The following AKAP19 variants were observed in gnomAD, a reference collection of about 807,000 sequenced individuals.
AKAP19 encodes small A-kinase anchoring protein.
the AKAP19 span, among the ~76,000 whole-genome samples, chr2:190,114,986 A>G: frequency 6.6e-6 from 1 of 151,566 alleles, no homozygotes; most frequent in East Asian, 1.9e-4. Context: ...CAAAATGCTC[A>G]TGTTCCTTAG....
chr2:189,953,566 G>A, the AKAP19 span, among the ~76,000 whole-genome samples: 2 of 150,352 alleles, frequency 1.3e-5, no homozygotes, highest in South Asian at 2.1e-4. Context: ...CCTTGGAGGC[G>A]GAAGTTGCAG....
chr2:189,944,302 T>C, the AKAP19 span, among the ~76,000 whole-genome samples: 3 of 152,122 alleles, frequency 2.0e-5, no homozygotes, highest in Non-Finnish European at 4.4e-5. Flanking sequence ...TTTAAAAGTG[T>C]TCCTGCTCCT....
At chr2:190,087,631 C>T in the AKAP19 span, among the ~76,000 whole-genome samples, 1 of 152,204 alleles carries the variant, frequency 6.6e-6, no homozygotes, top group East Asian at 1.9e-4. Flanking sequence ...GACTCCTTGG[C>T]CAAAGTGCCA....
the AKAP19 span, among the ~76,000 whole-genome samples, chr2:190,198,101 T>C: frequency 3.2e-4 from 48 of 152,244 alleles, no homozygotes; most frequent in African/African-American, 1.0e-3. Context: ...TTAACATCTC[T>C]GAAGTATGCA....
the AKAP19 span, among the ~76,000 whole-genome samples, chr2:190,097,266 G>C: frequency 0.083 from 12,603 of 151,356 alleles, 1,041 homozygotes; most frequent in African/African-American, 0.21. Context: ...GTTGTTTCCC[G>C]CCATGTGTCT....
the AKAP19 span, among the ~76,000 whole-genome samples, chr2:189,999,945 G>A: frequency 3.3e-5 from 5 of 152,152 alleles, no homozygotes; most frequent in South Asian, 2.1e-4. Flanking sequence ...TGCATGCAAC[G>A]GAAGTTGCTA....
chr2:190,094,817 C>A, the AKAP19 span, among the ~76,000 whole-genome samples: 1 of 152,138 alleles, frequency 6.6e-6, no homozygotes, highest in Non-Finnish European at 1.5e-5. Flanking sequence ...TGGGGCCAGG[C>A]ATTTTATAGA....
At chr2:189,970,149 G>A in the AKAP19 span, among the ~76,000 whole-genome samples, 2 of 152,022 alleles carry the variant, frequency 1.3e-5, no homozygotes, top group Non-Finnish European at 2.9e-5. Flanking sequence ...TTACAGGCAT[G>A]AGCCACTGAG....
chr2:189,942,274 C>T, the AKAP19 span, among the ~76,000 whole-genome samples: 1 of 152,166 alleles, frequency 6.6e-6, no homozygotes, highest in Admixed American at 6.5e-5. Flanking sequence ...CCCCACTCAA[C>T]TCTGTTTCTT....
At chr2:190,157,650 T>C in the AKAP19 span, among the ~76,000 whole-genome samples, 1 of 152,170 alleles carries the variant, frequency 6.6e-6, no homozygotes, top group South Asian at 2.1e-4. Flanking sequence ...TGAGCACAGA[T>C]AATTGAGGGA....
the AKAP19 span, among the ~76,000 whole-genome samples, chr2:190,194,518 ACG>A: frequency 1.6e-4 from 24 of 148,408 alleles, no homozygotes; most frequent in Non-Finnish European, 3.0e-4. Flanking sequence ...ACACACACAC[ACG>A]CAGCATCTCC....
chr2:190,082,302 C>T, the AKAP19 span, among the ~76,000 whole-genome samples: 4 of 152,176 alleles, frequency 2.6e-5, no homozygotes, highest in African/African-American at 9.7e-5. Flanking sequence ...AGCATAAATT[C>T]CTGTCTTACT....
At chr2:190,149,978 C>G in the AKAP19 span, among the ~76,000 whole-genome samples, 1 of 152,106 alleles carries the variant, frequency 6.6e-6, no homozygotes, top group African/African-American at 2.4e-5. Flanking sequence ...GCTGTCTCTG[C>G]AGGTTGTCAG....
the AKAP19 span, among the ~76,000 whole-genome samples, chr2:190,037,818 C>T: frequency 1.3e-5 from 2 of 152,212 alleles, no homozygotes; most frequent in Non-Finnish European, 2.9e-5. Flanking sequence ...CGTTCTTTAA[C>T]TGATCTCATC....
the AKAP19 span, among the ~76,000 whole-genome samples, chr2:190,064,051 T>C: frequency 2.1e-3 from 314 of 152,276 alleles, no homozygotes; most frequent in Non-Finnish European, 3.1e-3. Flanking sequence ...AAATATTTAT[T>C]TTTAAAGTCA....
the AKAP19 span, among the ~76,000 whole-genome samples, chr2:190,115,115 G>T: frequency 1.4e-5 from 2 of 143,926 alleles, no homozygotes; most frequent in East Asian, 4.1e-4. Flanking sequence ...GGCAGGGGAT[G>T]AGAGAGAGGG....
the AKAP19 span, chr2:190,202,268 T>G: frequency 4.2e-4 from 71 of 167,150 alleles, no homozygotes; most frequent in Non-Finnish European, 6.9e-4. Flanking sequence ...AATCACATTT[T>G]AATAGAGTAC....
chr2:189,933,032 G>A, the AKAP19 span, among the ~76,000 whole-genome samples: 14 of 152,220 alleles, frequency 9.2e-5, no homozygotes, highest in African/African-American at 3.1e-4. Flanking sequence ...AGAACATTAT[G>A]TCATCACCAG....
chr2:189,921,138 CT>C, the AKAP19 span, among the ~76,000 whole-genome samples: 1 of 152,124 alleles, frequency 6.6e-6, no homozygotes, highest in Non-Finnish European at 1.5e-5. Context: ...TGCCTGAAAG[CT>C]TTATATTTAC....
Sources: gnomAD v4.1 joint callset for allele counts (sites outside exome capture counted in the v4.1 genomes callset) on GRCh38, gnomAD v4.1.1 for gene constraint, MANE v1.5 for transcripts, NCBI Gene and HGNC (gene_info 2026-07-23, HGNC 2026-07-21) for gene names.